Variants in RAD51B observed in about 807,000 individuals in gnomAD.
RAD51B encodes the protein RAD51 paralog B, also known as DNA repair protein RAD51 homolog 2.
A neutral mutation model predicts 42.2 loss-of-function variants in RAD51B; 38 were observed. That is an observed-to-expected ratio of 0.90 (90% CI 0.70 to 1.18). The LOEUF (loss-of-function observed/expected upper bound fraction) is 1.18. Among genes scored for constraint, RAD51B ranks in the 50% most tolerant of loss-of-function variants. The pLI is 0.00. For missense variants in RAD51B, 373 were observed against 400.7 expected, an observed-to-expected ratio of 0.93 and a Z score of 0.59; for synonymous variants, 154 against 145.2, an observed-to-expected ratio of 1.06 and a Z score of -0.43.
chr14:68,168,311 G>A (rs898881758), intron 7 of RAD51B, among the ~76,000 whole-genome samples: 6 of 152,108 alleles, frequency 3.9e-5, no homozygotes, highest in Non-Finnish European at 7.4e-5. Flanking sequence ...TTCTGCAAAC[G>A]TCTTTTATGT....
intron 7 of RAD51B, among the ~76,000 whole-genome samples, chr14:68,073,962 T>G (rs905509717): frequency 2.0e-5 from 3 of 152,206 alleles, no homozygotes; most frequent in African/African-American, 7.2e-5. Flanking sequence ...TAATATTTTT[T>G]CTCTCACATT....
intron 7 of RAD51B, among the ~76,000 whole-genome samples, chr14:67,967,650 A>G (rs2074809301): frequency 6.6e-6 from 1 of 152,216 alleles, no homozygotes; most frequent in Admixed American, 6.5e-5. Context: ...TCTCACATCC[A>G]AGTCATGCTG....
intron 11 of RAD51B, among the ~76,000 whole-genome samples, chr14:68,657,259 G>T (rs1376074187): frequency 6.6e-6 from 1 of 152,184 alleles, no homozygotes; most frequent in East Asian, 1.9e-4. Context: ...AGAGATCTAG[G>T]TTCAAATCCT....
intron 8 of RAD51B, among the ~76,000 whole-genome samples, chr14:68,335,113 A>G (rs888644872): frequency 6.6e-6 from 1 of 150,806 alleles, no homozygotes; most frequent in East Asian, 1.9e-4. Context: ...CCTGGCCAAC[A>G]TAGTCAAACC....
intron 8 of RAD51B, among the ~76,000 whole-genome samples, chr14:68,410,222 C>T (rs2084380743): frequency 2.0e-5 from 3 of 152,140 alleles, no homozygotes; most frequent in African/African-American, 7.2e-5. Flanking sequence ...AACCACTGAA[C>T]TACATTTGTC....
chr14:68,364,788 T>C (rs894714962), intron 8 of RAD51B, among the ~76,000 whole-genome samples: 1 of 152,218 alleles, frequency 6.6e-6, no homozygotes, highest in African/African-American at 2.4e-5. Flanking sequence ...GCAACTTCAA[T>C]TGAAGACATA....
chr14:68,548,831 C>T (rs917437616), intron 10 of RAD51B, among the ~76,000 whole-genome samples: 4 of 152,156 alleles, frequency 2.6e-5, no homozygotes, highest in African/African-American at 9.7e-5. Context: ...AGGCCTCTGA[C>T]CCCTTCTGAG....
chr14:67,938,513 T>C (rs2045038836), intron 7 of RAD51B, among the ~76,000 whole-genome samples: 1 of 152,250 alleles, frequency 6.6e-6, no homozygotes, highest in African/African-American at 2.4e-5. Flanking sequence ...ATTGAGGGCG[T>C]AGGCCTATCC....
At chr14:68,040,240 A>T (rs2076197756) in intron 7 of RAD51B, among the ~76,000 whole-genome samples, 1 of 152,216 alleles carries the variant, frequency 6.6e-6, no homozygotes, top group Non-Finnish European at 1.5e-5. Flanking sequence ...ATAGTAGGAT[A>T]ATCTGGTCAA....
Position 68,292,166 on chromosome 14 carries a change from GC to G in RAD51B, c.853+189del, listed in dbSNP as rs1291343452. Among the ~76,000 whole-genome samples, 9 of 152,268 alleles carry G rather than the reference GC, an allele frequency of 5.9e-5. No homozygotes were observed. The South Asian group carries it at 1.2e-3, about 21-fold the overall frequency. The stretch of plus-strand genomic sequence containing the variant: ...GATCTCTTATATTGGGGAGTCTTTT[GC>G]CCTGCCTCTATAAGGGAGCTCCATT... On this transcript the variant is annotated intron_variant, in intron 8 of 10. Transcript: ENST00000471583.
chr14:68,621,547 G>A (rs868322207), intron 10 of RAD51B, among the ~76,000 whole-genome samples: 1 of 152,198 alleles, frequency 6.6e-6, no homozygotes, highest in African/African-American at 2.4e-5. Context: ...CCTGGCTCCT[G>A]GATCCTCCAT....
At chr14:68,352,207 A>G (rs1373922497) in intron 8 of RAD51B, among the ~76,000 whole-genome samples, 1 of 152,244 alleles carries the variant, frequency 6.6e-6, no homozygotes, top group East Asian at 1.9e-4. Context: ...GAATTAATGA[A>G]TAGATGGTAT....
At chr14:68,018,417 T>C (rs2075811875) in intron 7 of RAD51B, among the ~76,000 whole-genome samples, 1 of 152,246 alleles carries the variant, frequency 6.6e-6, no homozygotes, top group Non-Finnish European at 1.5e-5. Flanking sequence ...AAGGTACTAA[T>C]TTAAATGTCA....
At chr14:68,548,565 A>G (rs760674296) in intron 10 of RAD51B, among the ~76,000 whole-genome samples, 2 of 152,166 alleles carry the variant, frequency 1.3e-5, no homozygotes, top group Non-Finnish European at 2.9e-5. Context: ...GCTGTGCCCC[A>G]TCAGGCCCTA....
chr14:68,302,099 A>G (rs2081753064), intron 8 of RAD51B, among the ~76,000 whole-genome samples: 1 of 152,190 alleles, frequency 6.6e-6, no homozygotes, highest in Non-Finnish European at 1.5e-5. Context: ...TGAAGGAGAA[A>G]TCTCCCACCT....
At chr14:67,895,576 A>G (rs2043385801) in intron 7 of RAD51B, among the ~76,000 whole-genome samples, 1 of 152,182 alleles carries the variant, frequency 6.6e-6, no homozygotes, top group Non-Finnish European at 1.5e-5. Context: ...TATAGAATTA[A>G]GCCACTAGAC....
At chr14:67,929,944 C>T (rs1022620142) in intron 7 of RAD51B, among the ~76,000 whole-genome samples, 4 of 151,874 alleles carry the variant, frequency 2.6e-5, no homozygotes, top group Non-Finnish European at 4.4e-5. Context: ...GCCATCGTGC[C>T]CAGCTTCTTT....
chr14:68,183,702 C>G (rs1439631696), intron 7 of RAD51B, among the ~76,000 whole-genome samples: 1 of 152,086 alleles, frequency 6.6e-6, no homozygotes, highest in Non-Finnish European at 1.5e-5. Context: ...AATCCCAGCA[C>G]GTTGAAAGCC....
At chr14:68,657,043 G>A (rs8006682) in intron 11 of RAD51B, among the ~76,000 whole-genome samples, 2 of 152,040 alleles carry the variant, frequency 1.3e-5, no homozygotes, top group Non-Finnish European at 2.9e-5. Flanking sequence ...CTACATAGAA[G>A]TTTCTACAAA....
Sources: gnomAD v4.1 joint callset for allele counts (sites outside exome capture counted in the v4.1 genomes callset) on GRCh38, gnomAD v4.1.1 for gene constraint, MANE v1.5 for transcripts, NCBI Gene and HGNC (gene_info 2026-07-23, HGNC 2026-07-21) for gene names.